Variants in FUT8 observed in about 807,000 individuals in gnomAD.
The protein encoded by FUT8 is alpha-(1,6)-fucosyltransferase.
In FUT8, 29 loss-of-function variants were observed where a neutral mutation model predicts 71.3. That is an observed-to-expected ratio of 0.41 (90% CI 0.30 to 0.55). The LOEUF (loss-of-function observed/expected upper bound fraction) is 0.55, where lower values mean the gene tolerates loss of function less well. FUT8 is among the 20% of genes least tolerant of loss of function. The probability of loss-of-function intolerance (pLI) is 0.34; values close to 1 mark genes in which losing one functional copy is unlikely to be tolerated. For synonymous variants in FUT8, 254 were observed against 239.3 expected, an observed-to-expected ratio of 1.06 and a Z score of -0.57; for missense variants, 544 against 702.1, an observed-to-expected ratio of 0.77 and a Z score of 2.55.
At chr14:65,364,874 C>A in the FUT8 span, among the ~76,000 whole-genome samples, 1 of 152,132 alleles carries the variant, frequency 6.6e-6, no homozygotes, top group African/African-American at 2.4e-5. Context: ...TCACATCATT[C>A]CTGGGCCACA....
chr14:65,710,745 C>A (rs1230236256), intron 7 of FUT8, among the ~76,000 whole-genome samples: 1 of 152,048 alleles, frequency 6.6e-6, no homozygotes, highest in Non-Finnish European at 1.5e-5. Flanking sequence ...TGTTTTAGCT[C>A]GTTTTGCATT....
chr14:65,629,544 T>C lies in FUT8; in HGVS notation c.535T>C (p.Trp179Arg). Residue 179 changes from tryptophan to arginine, a missense_variant, in exon 6 of 11, where the codon TGG becomes CGG. Transcript: ENST00000673929. ...CAGTCAGACAGATGGAGCAGGTGATTGGCGGGAAAAAGAGGCCAAAGATCT... is the reference window on the plus strand; with the variant it reads ...CAGTCAGACAGATGGAGCAGGTGATCGGCGGGAAAAAGAGGCCAAAGATCT... ...YLSQTDGAGDWREKEAKDLTE... is the reference protein window; with the variant it reads ...YLSQTDGAGDRREKEAKDLTE... 1.9e-6 allele frequency: 3 copies of C among 1,613,868 alleles called. No homozygotes were observed. The highest frequency in any genetic ancestry group is 2.5e-6 in the Non-Finnish European group (3 of 1,179,788).
At chr14:65,678,299 C>T (rs1594889654) in intron 7 of FUT8, among the ~76,000 whole-genome samples, 2 of 152,312 alleles carry the variant, frequency 1.3e-5, no homozygotes, top group South Asian at 4.1e-4. Flanking sequence ...CCAGCTTTGG[C>T]TCCCTAGCTC....
At chr14:65,697,672 C>G (rs1460968576) in intron 7 of FUT8, among the ~76,000 whole-genome samples, 1 of 152,188 alleles carries the variant, frequency 6.6e-6, no homozygotes, top group Non-Finnish European at 1.5e-5. Context: ...TGCGGTGGCT[C>G]ACGCCTGTTG....
chr14:65,722,556 G>A (rs533484888), intron 8 of FUT8, among the ~76,000 whole-genome samples: 14 of 152,152 alleles, frequency 9.2e-5, no homozygotes, highest in Non-Finnish European at 1.9e-4. Context: ...AGTGTTAGAC[G>A]TAAAGAAGGT....
intron 2 of FUT8, among the ~76,000 whole-genome samples, chr14:65,476,637 A>ATTTTTTTTTTTTTTT (rs200882761): frequency 8.0e-6 from 1 of 125,084 alleles, no homozygotes; most frequent in African/African-American, 3.1e-5. Context: ...AAAGAAGTAG[A>ATTTTTTTTTTTTTTT]TTTTTTTTTT....
intron 2 of FUT8, among the ~76,000 whole-genome samples, chr14:65,487,559 C>T (rs1275844556): frequency 8.4e-5 from 11 of 130,548 alleles, no homozygotes; most frequent in South Asian, 2.9e-4. Flanking sequence ...AGTGAGACTC[C>T]GTCTCAAAAA....
At chr14:65,663,435 TTTCTG>T (rs528668267) in intron 6 of FUT8, among the ~76,000 whole-genome samples, 10 of 152,256 alleles carry the variant, frequency 6.6e-5, no homozygotes, top group Non-Finnish European at 1.5e-4. Context: ...ATAAATACCT[TTTCTG>T]TTCTTTAGTG....
At chr14:65,585,299 A>G (rs2140124713) in intron 3 of FUT8, among the ~76,000 whole-genome samples, 1 of 152,128 alleles carries the variant, frequency 6.6e-6, no homozygotes, top group Non-Finnish European at 1.5e-5. Flanking sequence ...TGCTCCTCCC[A>G]CCTCAGCCTC....
At chr14:65,663,524 A>T (rs1225212721) in intron 6 of FUT8, among the ~76,000 whole-genome samples, 1 of 152,082 alleles carries the variant, frequency 6.6e-6, no homozygotes, top group South Asian at 2.1e-4. Context: ...TTATTTGGAC[A>T]AAAAAATTGG....
chr14:65,722,058 T>A (rs1895444800), intron 8 of FUT8, 37 bp downstream of exon 8: 1 of 1,607,616 alleles, frequency 6.2e-7, no homozygotes. Context: ...CTGTGATATG[T>A]AGTAGTTAGG....
At chr14:65,432,795 A>G (rs985022557) in intron 1 of FUT8, among the ~76,000 whole-genome samples, 2 of 152,332 alleles carry the variant, frequency 1.3e-5, no homozygotes, top group South Asian at 2.1e-4. Flanking sequence ...AATGTCAGGA[A>G]GTTACCCTGT....
intron 2 of FUT8, among the ~76,000 whole-genome samples, chr14:65,533,837 G>C (rs1884112804): frequency 1.3e-5 from 2 of 152,054 alleles, no homozygotes; most frequent in South Asian, 2.1e-4. Flanking sequence ...TAACATGAAG[G>C]GATGGTGACT....
chr14:65,493,343 C>G (rs1043402104), intron 2 of FUT8, among the ~76,000 whole-genome samples: 1 of 151,970 alleles, frequency 6.6e-6, no homozygotes, highest in South Asian at 2.1e-4. Flanking sequence ...AGTTCTTAGT[C>G]CCAAATGACC....
chr14:65,408,540 G>C (rs1173130934), upstream of FUT8, among the ~76,000 whole-genome samples: 6 of 152,162 alleles, frequency 3.9e-5, no homozygotes, highest in African/African-American at 1.4e-4. Context: ...TGGAGTTTTG[G>C]GTGGTTACCT....
chr14:65,645,323 G>C (rs1443485569), intron 6 of FUT8, among the ~76,000 whole-genome samples: 1 of 152,196 alleles, frequency 6.6e-6, no homozygotes, highest in African/African-American at 2.4e-5. Flanking sequence ...TTAACTGCTT[G>C]ATGCTCTCTA....
At chr14:65,359,756 A>G in the FUT8 span, among the ~76,000 whole-genome samples, 2 of 152,046 alleles carry the variant, frequency 1.3e-5, no homozygotes, top group East Asian at 3.8e-4. Flanking sequence ...GGTTGCTTCC[A>G]CCTTTTGGCT....
intron 2 of FUT8, among the ~76,000 whole-genome samples, chr14:65,491,316 G>T (rs1214255977): frequency 6.6e-6 from 1 of 152,094 alleles, no homozygotes; most frequent in South Asian, 2.1e-4. Context: ...ATCAAAGGGG[G>T]TTTATAGGTC....
the FUT8 span, among the ~76,000 whole-genome samples, chr14:65,359,919 G>A: frequency 3.9e-5 from 6 of 151,918 alleles, no homozygotes; most frequent in East Asian, 1.9e-4. Flanking sequence ...TCCGCCTCCC[G>A]CCTCCTGGGT....
Sources: gnomAD v4.1 joint callset for allele counts (sites outside exome capture counted in the v4.1 genomes callset) on GRCh38, gnomAD v4.1.1 for gene constraint, MANE v1.5 for transcripts, NCBI Gene and HGNC (gene_info 2026-07-23, HGNC 2026-07-21) for gene names.